WSCD1: variants seen among roughly 807,000 people sequenced by gnomAD.
WSCD1 encodes WSC domain sialate O sulfotransferase 1.
A neutral mutation model predicts 60.4 loss-of-function variants in WSCD1; 41 were observed. That is an observed-to-expected ratio of 0.68 (90% CI 0.53 to 0.88). The LOEUF is 0.88. Among genes scored for constraint, WSCD1 ranks in the 40% least tolerant of loss-of-function variants. The pLI is 0.00. For synonymous variants in WSCD1, 361 were observed against 332.5 expected (o/e 1.09, Z -0.93); for missense variants, 784 against 796.2 (o/e 0.98, Z 0.18).
At position 6,101,412 on chromosome 17, in the gene WSCD1, C is replaced by A. The variant is rs1026574163; in HGVS notation, c.849+6189C>A. ...GGCCGGGCAGTGGGGCTGGGAGCAG[C>A]AGATGTGAGAGGTGGGGCTTGGAAA... On this transcript the variant is annotated intron_variant, in intron 5 of 8. Transcript: ENST00000317744. This position sits in a 1 kb window ranked among gnomAD's most constrained non-coding sequence, Gnocchi z 4.1. Among the ~76,000 whole-genome samples the A allele has an allele frequency of 6.6e-6, 1 of 151,996 alleles. No homozygotes were observed. Among genetic ancestry groups the A allele is most frequent in the African/African-American group, 2.4e-5 (1 of 41,348 alleles).
intron 5 of WSCD1, among the ~76,000 whole-genome samples, chr17:6,096,288 C>T (rs1297863914): frequency 6.6e-6 from 1 of 152,132 alleles, no homozygotes; most frequent in Admixed American, 6.5e-5. Context: ...CCATAGTCTG[C>T]TGTGGGTTGA....
intron 5 of WSCD1, among the ~76,000 whole-genome samples, chr17:6,105,475 T>G (rs1308712935): frequency 2.0e-5 from 3 of 152,154 alleles, no homozygotes; most frequent in Non-Finnish European, 2.9e-5. Flanking sequence ...GGCAGAGAGA[T>G]AAGATTCATC....
chr17:6,074,299 G>A (rs1908714919), intron 1 of WSCD1, among the ~76,000 whole-genome samples: 1 of 152,190 alleles, frequency 6.6e-6, no homozygotes. Context: ...TTCCCCCAAA[G>A]GGCCCAACAG....
chr17:6,092,610 G>T (rs1597358942), intron 4 of WSCD1, among the ~76,000 whole-genome samples: 1 of 152,132 alleles, frequency 6.6e-6, no homozygotes, highest in Non-Finnish European at 1.5e-5. Context: ...GGCTTCCTGA[G>T]GACCAAACTG....
chr17:6,119,732 G>A (rs1332353531), intron 8 of WSCD1, among the ~76,000 whole-genome samples: 1 of 152,154 alleles, frequency 6.6e-6, no homozygotes, highest in Non-Finnish European at 1.5e-5. Context: ...AACAAGGATA[G>A]GCCCTGTCTC....
chr17:6,085,624 G>A (rs187044985), intron 2 of WSCD1, among the ~76,000 whole-genome samples: 4 of 152,294 alleles, frequency 2.6e-5, no homozygotes, highest in African/African-American at 9.6e-5. Flanking sequence ...ACAGCCACGT[G>A]CAGTCTCAGT....
In WSCD1 at chr17:6,080,803, C is replaced by G. The variant is rs1206982063; in HGVS notation, c.145C>G (p.Pro49Ala). 2 of 1,609,628 alleles carry G rather than the reference C, an allele frequency of 1.2e-6. No individual in the cohort carries two copies. The highest frequency in any genetic ancestry group is 2.7e-5 in the African/African-American group (2 of 74,890). The change falls in exon 2 of 9, where the codon CCC (proline) becomes GCC (alanine). Residue 49 changes from proline to alanine, a missense_variant. Pro to Ala is a conservative substitution (Grantham distance 27). Transcript: ENST00000317744. This position sits in a 1 kb window ranked among gnomAD's most constrained non-coding sequence, Gnocchi z 6.6. The stretch of plus-strand genomic sequence containing the variant: ...GGCTCTCCCACAGGGCCCCCGGGCA[C>G]CCGGCCCCCTGCAGACCTTGCCAGT... ...RVALPQGPRA[P>A]GPLQTLPVAA...
At chr17:6,115,037 A>C (rs1467008430) in intron 7 of WSCD1, among the ~76,000 whole-genome samples, 1 of 152,140 alleles carries the variant, frequency 6.6e-6, no homozygotes, top group Admixed American at 6.5e-5. Context: ...TTTTTTAATA[A>C]AAATATTTTT....
upstream of WSCD1, among the ~76,000 whole-genome samples, chr17:6,069,576 A>C (rs377739984): frequency 4.6e-5 from 7 of 152,156 alleles, no homozygotes; most frequent in African/African-American, 1.7e-4. Context: ...GGTGTGGAGC[A>C]GTATGATAAG....
rs750593817 is a variant in WSCD1, at chr17:6,110,106, T to G, written c.1009+340T>G. 6.6e-6 allele frequency among the ~76,000 whole-genome samples: 1 copy of G among 152,032 alleles called. No homozygotes were observed. Among genetic ancestry groups the G allele is most frequent in the African/African-American group, 2.4e-5 (1 of 41,374 alleles). ...ATTGGGAGGCGTGGGAAGAATGAGA[T>G]CCCAGGAGCTGCAGGGGCCACTGGT... On this transcript the variant is annotated intron_variant, in intron 6 of 8. Transcript: ENST00000317744. This position sits in a 1 kb window ranked among gnomAD's most constrained non-coding sequence, Gnocchi z 4.8.
In WSCD1 at chr17:6,101,981, T is replaced by G. The variant is rs1205643742; in HGVS notation, c.849+6758T>G. 6.6e-6 allele frequency among the ~76,000 whole-genome samples: 1 copy of G among 152,046 alleles called. No homozygotes were observed. The highest frequency in any genetic ancestry group is 1.9e-4 in the East Asian group (1 of 5,194). On this transcript the variant is annotated intron_variant, in intron 5 of 8. Coordinates refer to ENST00000317744, the MANE Select transcript of WSCD1 (RefSeq NM_015253.2). This position sits in a 1 kb window ranked among gnomAD's most constrained non-coding sequence, Gnocchi z 4.1. ...ACACTCCACCGGCGATTATACCTTGTGATGTGAGGTTTGTTCTCCCAGCTG... is the reference window on the plus strand; with the variant it reads ...ACACTCCACCGGCGATTATACCTTGGGATGTGAGGTTTGTTCTCCCAGCTG...
At chr17:6,088,955 T>C (rs1422353231) in intron 3 of WSCD1, among the ~76,000 whole-genome samples, 1 of 152,112 alleles carries the variant, frequency 6.6e-6, no homozygotes, top group Non-Finnish European at 1.5e-5. Flanking sequence ...GCTAATTTTT[T>C]GTATTTTTAG....
intron 5 of WSCD1, among the ~76,000 whole-genome samples, chr17:6,105,380 C>T (rs2150561181): frequency 6.6e-6 from 1 of 152,296 alleles, no homozygotes; most frequent in Admixed American, 6.5e-5. Context: ...ATTCTTGGAT[C>T]CTTTTTTCCT....
intron 5 of WSCD1, among the ~76,000 whole-genome samples, chr17:6,104,718 G>A (rs1910989695): frequency 6.6e-6 from 1 of 152,190 alleles, no homozygotes; most frequent in Non-Finnish European, 1.5e-5. Flanking sequence ...GACTGGCAGA[G>A]CTAACCTCCA....
intron 5 of WSCD1, among the ~76,000 whole-genome samples, chr17:6,105,577 C>T (rs1397100748): frequency 6.6e-6 from 1 of 152,178 alleles, no homozygotes; most frequent in African/African-American, 2.4e-5. Flanking sequence ...GTTGCTGGAG[C>T]GGTGATGTTG....
intron 5 of WSCD1, among the ~76,000 whole-genome samples, chr17:6,105,856 C>G (rs1363244792): frequency 6.6e-6 from 1 of 152,116 alleles, no homozygotes; most frequent in African/African-American, 2.4e-5. Context: ...ACAGCAGAGC[C>G]CCCTCTGGGC....
At chr17:6,120,103 A>T (rs1334608787) in intron 8 of WSCD1, among the ~76,000 whole-genome samples, 1 of 152,198 alleles carries the variant, frequency 6.6e-6, no homozygotes, top group Non-Finnish European at 1.5e-5. Context: ...TCCTCATCCC[A>T]CCAGGATGCC....
At chr17:6,093,873 C>T (rs935129849) in intron 4 of WSCD1, among the ~76,000 whole-genome samples, 1 of 152,176 alleles carries the variant, frequency 6.6e-6, no homozygotes, top group Non-Finnish European at 1.5e-5. Context: ...AACCCTAAGC[C>T]CTGGTGTTTT....
intron 5 of WSCD1, among the ~76,000 whole-genome samples, chr17:6,107,051 G>A (rs1412291488): frequency 2.0e-5 from 3 of 152,150 alleles, no homozygotes; most frequent in Non-Finnish European, 4.4e-5. Flanking sequence ...CTGAGATCAA[G>A]GTCTCAGCAG....
Sources: allele counts gnomAD v4.1 joint callset (sites outside exome capture counted in the v4.1 genomes callset), GRCh38; gene constraint gnomAD v4.1.1; non-coding constraint Gnocchi (gnomAD v3.1); transcripts MANE v1.5; gene names NCBI Gene and HGNC (gene_info 2026-07-23, HGNC 2026-07-21).